Variants in RIOK3 observed in about 807,000 individuals in gnomAD.
RIOK3 encodes the protein RIO kinase 3.
In RIOK3, 40 loss-of-function variants were observed where a neutral mutation model predicts 63.5. The ratio of observed to expected loss-of-function variants is 0.63; its 90% confidence interval spans 0.49 to 0.82. The LOEUF is 0.82. RIOK3 is among the 40% of genes least tolerant of loss of function. RIOK3 has a pLI of 0.00. For missense variants in RIOK3, 557 were observed against 637.0 expected (o/e 0.87, Z 1.35); for synonymous variants, 193 against 205.0 (o/e 0.94, Z 0.50).
chr18:23,473,372 T>C (rs2057468346), intron 7 of RIOK3, 57 bp from the exon 8 acceptor site: 2 of 1,000,440 alleles, frequency 2.0e-6, no homozygotes, highest in East Asian at 5.0e-5. Flanking sequence ...TATTTTGAAA[T>C]TGTTGTACTT....
At chr18:23,455,008 C>G (rs2057328840) in intron 1 of RIOK3, among the ~76,000 whole-genome samples, 1 of 151,608 alleles carries the variant, frequency 6.6e-6, no homozygotes, top group Admixed American at 6.6e-5. Context: ...TTCCTTCCTT[C>G]CTTCCTTTCC....
chr18:23,458,496 TC>T (rs1453422000), intron 1 of RIOK3, among the ~76,000 whole-genome samples: 23 of 152,186 alleles, frequency 1.5e-4, no homozygotes, highest in Admixed American at 1.5e-3. Context: ...TTGATGGATG[TC>T]CTTTGAAGTA....
At chr18:23,468,035 C>G (rs1299904536) in intron 7 of RIOK3, among the ~76,000 whole-genome samples, 1 of 152,160 alleles carries the variant, frequency 6.6e-6, no homozygotes, top group Non-Finnish European at 1.5e-5. Context: ...GCCTTGGCCT[C>G]CCAAAGTGCT....
chr18:23,465,953 T>C (rs532985462), intron 5 of RIOK3, among the ~76,000 whole-genome samples, 180 bp from the exon 6 acceptor site: 1 of 152,370 alleles, frequency 6.6e-6, no homozygotes, highest in South Asian at 2.1e-4. Flanking sequence ...ATTTCTTAAA[T>C]AGTATTGCTC....
rs572668432 is a variant in RIOK3 at position 23,463,440 on chromosome 18, G to T, written c.179+361G>T. The T allele has an allele frequency of 4.4e-3, 582 of 132,632 alleles. 3 individuals are homozygous for T. Among genetic ancestry groups the T allele is most frequent in the Admixed American group, 7.3e-3 (73 of 10,058 alleles). 8.2% of individuals were successfully genotyped at this position (132,632 alleles called of 1,614,324 possible). A position where few individuals can be genotyped will look rare whatever the true frequency, so the allele number is the denominator to read the frequency against. On this transcript the variant is annotated intron_variant, in intron 2 of 12. Transcript: ENST00000339486. Reference sequence around the variant, plus strand: ...TTTTTTTTTTTGGAGATGGAATTTCGCTCTTGTTTCCCAGGCTAGAGTGCA... The same window carrying T: ...TTTTTTTTTTTGGAGATGGAATTTCTCTCTTGTTTCCCAGGCTAGAGTGCA...
At chr18:23,474,117 A>G (rs2057474090) in intron 8 of RIOK3, among the ~76,000 whole-genome samples, 2 of 151,966 alleles carry the variant, frequency 1.3e-5, no homozygotes, top group South Asian at 4.2e-4. Context: ...CTCATTAAAA[A>G]CCTTTCTATT....
At position 23,482,720 on chromosome 18, in the gene RIOK3, A is replaced by T. The variant is rs566869848; in HGVS notation, c.*1441A>T. 4 of 152,316 alleles carry T rather than the reference A, an allele frequency of 2.6e-5. No individual in the cohort carries two copies. Among genetic ancestry groups the T allele is most frequent in the African/African-American group, 9.6e-5 (4 of 41,580 alleles). The allele number at this position is 152,316 out of a possible 1,614,324, so 9.4% of individuals were successfully genotyped here. ...CTATTACTGAAGTCAGATTGGAACC[A>T]CTAAAGATCCAAACTTTCTGTCTGG... On this transcript the variant is annotated 3_prime_UTR_variant, in exon 13 of 13. Transcript: ENST00000339486.
In RIOK3 at chr18:23,473,409, A is replaced by ATTTTTT. The variant is rs763947431; in HGVS notation, c.816-17_816-12dup. ...TGAGCTGGCAACTTGTACTGACTTGATTTTTTTTCTTCCACTTAGCATGGA... is the reference window on the plus strand; with the variant it reads ...TGAGCTGGCAACTTGTACTGACTTGATTTTTTTTTTTTTTCTTCCACTTAGCATGGA... On this transcript the variant is annotated intron_variant, in intron 7 of 12. Transcript: ENST00000339486. The ATTTTTT allele has an allele frequency of 3.2e-6, 5 of 1,549,006 alleles. No individual in the cohort carries two copies. Among genetic ancestry groups the ATTTTTT allele is most frequent in the Admixed American group, 1.8e-5 (1 of 55,686 alleles).
chr18:23,472,958 C>T (rs1187092292), intron 7 of RIOK3, among the ~76,000 whole-genome samples: 1 of 152,232 alleles, frequency 6.6e-6, no homozygotes, highest in Non-Finnish European at 1.5e-5. Context: ...CTTTCCTATT[C>T]ATGTACTTCT....
chr18:23,481,371 T>C lies in RIOK3; in HGVS notation c.*92T>C, dbSNP rs887198349. ...ATGGGTGACTTGAAATACCAAAACC[T>C]GAGGAGTGGGCAATGGTGCTTCTGT... On this transcript the variant is annotated 3_prime_UTR_variant, in exon 13 of 13. Transcript: ENST00000339486. 1.3e-6 allele frequency: 1 copy of C among 758,958 alleles called. No homozygotes were observed. Among genetic ancestry groups the C allele is most frequent in the Non-Finnish European group, 2.1e-6 (1 of 470,172 alleles). 47.0% of individuals were successfully genotyped at this position (758,958 alleles called of 1,614,324 possible).
chr18:23,468,293 C>CTTTTTTT (rs1245472469), intron 7 of RIOK3, among the ~76,000 whole-genome samples: 24 of 46,478 alleles, frequency 5.2e-4, no homozygotes, highest in Admixed American at 7.2e-4. Flanking sequence ...CAATATACTC[C>CTTTTTTT]TTTTTTTTTT....
chr18:23,472,003 T>C (rs931356086), intron 7 of RIOK3, among the ~76,000 whole-genome samples: 2 of 151,948 alleles, frequency 1.3e-5, no homozygotes, highest in African/African-American at 2.4e-5. Flanking sequence ...GAGGCCAAGA[T>C]GGGTGGATCA....
chr18:23,466,786 T>G (rs1598808456), intron 6 of RIOK3, among the ~76,000 whole-genome samples: 1 of 146,108 alleles, frequency 6.8e-6, no homozygotes, highest in Non-Finnish European at 1.5e-5. Context: ...AGCCCAGGAG[T>G]TCAAGACCAG....
Position 23,455,005 on chromosome 18 carries a change from C to CTTCCTTCCT in RIOK3, c.63+1519_63+1527dup, listed in dbSNP as rs987089142. Among the ~76,000 whole-genome samples, 7 of 151,534 alleles carry CTTCCTTCCT rather than the reference C, an allele frequency of 4.6e-5. No homozygotes were observed. The East Asian group carries it at 1.2e-3, about 25-fold the overall frequency. On this transcript the variant is annotated intron_variant, in intron 1 of 12. Coordinates refer to ENST00000339486, the MANE Select transcript of RIOK3 (RefSeq NM_003831.5). ...TAGTCAGGACTTCTTTCCTTCCTTC[C>CTTCCTTCCT]TTCCTTCCTTTCCTTCCTTTCCTTT...
chr18:23,479,767 G>A (rs1048976722), intron 12 of RIOK3, among the ~76,000 whole-genome samples: 1 of 152,070 alleles, frequency 6.6e-6, no homozygotes, highest in Non-Finnish European at 1.5e-5. Context: ...GGTAGAGACA[G>A]GGTTTCGCCA....
At chr18:23,477,850 A>T (rs1456709593) in intron 11 of RIOK3, among the ~76,000 whole-genome samples, 2 of 151,732 alleles carry the variant, frequency 1.3e-5, no homozygotes, top group Non-Finnish European at 2.9e-5. Context: ...TGGGTGGATC[A>T]CCTGAGGTCA....
At chr18:23,454,563 A>G (rs2057325760) in intron 1 of RIOK3, among the ~76,000 whole-genome samples, 1 of 152,264 alleles carries the variant, frequency 6.6e-6, no homozygotes, top group Admixed American at 6.5e-5. Flanking sequence ...ACAGACTAGT[A>G]TTATGAATAT....
At chr18:23,454,988 A>G (rs2057328562) in intron 1 of RIOK3, among the ~76,000 whole-genome samples, 1 of 149,390 alleles carries the variant, frequency 6.7e-6, no homozygotes, top group Admixed American at 6.6e-5. Flanking sequence ...TTTAGTCAGG[A>G]CTTCTTTCCT....
chr18:23,468,405 C>T (rs573824808), intron 7 of RIOK3, among the ~76,000 whole-genome samples: 63 of 145,266 alleles, frequency 4.3e-4, no homozygotes, highest in African/African-American at 1.4e-3. Flanking sequence ...TGAGTTCAAG[C>T]GATTCTCCTG....
Sources: gnomAD v4.1 joint callset for allele counts (sites outside exome capture counted in the v4.1 genomes callset) on GRCh38, gnomAD v4.1.1 for gene constraint, MANE v1.5 for transcripts, NCBI Gene and HGNC (gene_info 2026-07-23, HGNC 2026-07-21) for gene names.